Variants in PLSCR4 observed in about 807,000 individuals in gnomAD.
The protein encoded by PLSCR4 is phospholipid scramblase 4, also known as Ca(2+)-dependent phospholipid scramblase 4.
In PLSCR4, 25 loss-of-function variants were observed where a neutral mutation model predicts 36.3. The observed-to-expected ratio is 0.69, with a 90% CI of 0.50 to 0.96. PLSCR4 has a LOEUF of 0.96. Among genes scored for constraint, PLSCR4 ranks in the 40% least tolerant of loss-of-function variants. PLSCR4 has a pLI of 0.00. For synonymous variants in PLSCR4, 122 were observed against 132.9 expected (o/e 0.92, Z 0.56); for missense variants, 408 against 414.7 (o/e 0.98, Z 0.14).
rs2034025251 is a variant in PLSCR4 at position 146,201,097 on chromosome 3, C to T, written c.355-20G>A. 7 of 1,496,392 alleles carry T rather than the reference C, an allele frequency of 4.7e-6. No homozygotes were observed. Among genetic ancestry groups the T allele is most frequent in the Non-Finnish European group, 6.2e-6 (7 of 1,120,600 alleles). The allele number at this position is 1,496,392 out of a possible 1,614,324, so 92.7% of individuals were successfully genotyped here. A position where few individuals can be genotyped will look rare whatever the true frequency, so the allele number is the denominator to read the frequency against. On this transcript the variant is annotated intron_variant, in intron 4 of 8. Transcript: ENST00000354952. Reference sequence around the variant, plus strand: ...GTCCAACTGTTGGGATAAAACAAAGCAATCAGAAGACAGAAATAACAGAAC... The same window carrying T: ...GTCCAACTGTTGGGATAAAACAAAGTAATCAGAAGACAGAAATAACAGAAC...
In PLSCR4 at chr3:146,201,082, TG is replaced by T; in HGVS notation, c.355-6del. On this transcript the variant is annotated splice_region_variant and splice_polypyrimidine_tract_variant and intron_variant, in intron 4 of 8. Transcript: ENST00000354952. ...AAGAACATGTATGTTGTCCAACTGTTGGGATAAAACAAAGCAATCAGAAGAC... is the reference window on the plus strand; with the variant it reads ...AAGAACATGTATGTTGTCCAACTGTTGGATAAAACAAAGCAATCAGAAGAC... 6.5e-7 allele frequency: 1 copy of T among 1,541,520 alleles called. No individual in the cohort carries two copies. The highest frequency in any genetic ancestry group is 8.7e-7 in the Non-Finnish European group (1 of 1,151,032).
At chr3:146,203,783 ATCT>A (rs2034173433) in intron 4 of PLSCR4, among the ~76,000 whole-genome samples, 1 of 151,804 alleles carries the variant, frequency 6.6e-6, no homozygotes, top group Non-Finnish European at 1.5e-5. Flanking sequence ...GACTGGTTTG[ATCT>A]TCTTTCTAGA....
At chr3:146,203,255 G>A (rs968791516) in intron 4 of PLSCR4, among the ~76,000 whole-genome samples, 1 of 151,900 alleles carries the variant, frequency 6.6e-6, no homozygotes, top group South Asian at 2.1e-4. Flanking sequence ...TGACCCATGG[G>A]CTGCAGAATG....
At chr3:146,232,752 G>T (rs1456969995) in intron 1 of PLSCR4, among the ~76,000 whole-genome samples, 2 of 152,110 alleles carry the variant, frequency 1.3e-5, no homozygotes, top group Admixed American at 6.5e-5. Flanking sequence ...AAAGACCATG[G>T]CAGTTTCTAG....
In PLSCR4 at chr3:146,192,779, A is replaced by G. The variant is rs1396212697; in HGVS notation, c.*1632T>C. ...GATTGCAATGGCACTTTCAAATATAAGGCAATTAATATTTTAGAAAGCAGC... is the reference window on the plus strand; with the variant it reads ...GATTGCAATGGCACTTTCAAATATAGGGCAATTAATATTTTAGAAAGCAGC... On this transcript the variant is annotated 3_prime_UTR_variant, in exon 9 of 9. Coordinates refer to ENST00000354952, the MANE Select transcript of PLSCR4 (RefSeq NM_020353.3). 1 of 151,988 alleles carries G rather than the reference A, an allele frequency of 6.6e-6. No homozygotes were observed. The allele number at this position is 151,988 out of a possible 1,614,324, so 9.4% of individuals were successfully genotyped here.
chr3:146,200,121 C>A, intron 5 of PLSCR4, 82 bp from the exon 6 acceptor site: 1 of 774,038 alleles, frequency 1.3e-6, no homozygotes. Flanking sequence ...TTCTTAAGGG[C>A]TTAAAGCAAC....
intron 1 of PLSCR4, among the ~76,000 whole-genome samples, chr3:146,226,162 GA>G (rs1277468789): frequency 6.6e-6 from 1 of 152,298 alleles, no homozygotes; most frequent in East Asian, 1.9e-4. Flanking sequence ...GGCCCACAAG[GA>G]ACCCTAAGTT....
At chr3:146,196,391 A>G in intron 7 of PLSCR4, 4 of 444,406 alleles carry the variant, frequency 9.0e-6, no homozygotes, top group Non-Finnish European at 1.2e-5. Context: ...TATTTAATGT[A>G]TTAAATGATT....
At chr3:146,221,020 A>T (rs2108290973) in intron 2 of PLSCR4, 95 bp from the exon 3 acceptor site, 1 of 671,560 alleles carries the variant, frequency 1.5e-6, no homozygotes, top group African/African-American at 1.8e-5. Context: ...TGCATCAAGA[A>T]ATATAATCAA....
At chr3:146,196,940 G>C in intron 6 of PLSCR4, 147 bp from the exon 7 acceptor site, 1 of 697,908 alleles carries the variant, frequency 1.4e-6, no homozygotes, top group Non-Finnish European at 2.4e-6. Context: ...ATCTCACCCA[G>C]GCCATTCTTC....
intron 1 of PLSCR4, among the ~76,000 whole-genome samples, chr3:146,247,427 T>TATC (rs755811188): frequency 2.0e-5 from 3 of 152,166 alleles, no homozygotes; most frequent in Admixed American, 6.5e-5. Context: ...ATTTTCCATA[T>TATC]ATCTCATAAT....
intron 3 of PLSCR4, among the ~76,000 whole-genome samples, chr3:146,219,987 G>C (rs1482129401): frequency 6.6e-6 from 1 of 151,768 alleles, no homozygotes; most frequent in African/African-American, 2.4e-5. Flanking sequence ...CTTGTACATA[G>C]CAGGGTTTCT....
At chr3:146,248,350 A>G (rs1272400015) in intron 1 of PLSCR4, among the ~76,000 whole-genome samples, 1 of 152,220 alleles carries the variant, frequency 6.6e-6, no homozygotes, top group Non-Finnish European at 1.5e-5. Context: ...ACACGCATAC[A>G]TTATAGAAAT....
chr3:146,209,016 A>G (rs755104434), intron 3 of PLSCR4, among the ~76,000 whole-genome samples: 1 of 152,126 alleles, frequency 6.6e-6, no homozygotes, highest in Non-Finnish European at 1.5e-5. Context: ...ATGCCCATCA[A>G]TCTACGAGTG....
intron 3 of PLSCR4, among the ~76,000 whole-genome samples, chr3:146,217,307 A>T (rs1485078992): frequency 2.0e-5 from 3 of 152,246 alleles, no homozygotes. Flanking sequence ...CACTAGACCT[A>T]GCCAGCATCT....
chr3:146,229,917 C>T lies in PLSCR4; in HGVS notation c.-21-7825G>A, dbSNP rs560330266. Reference sequence around the variant, plus strand: ...GGGATTACAGGCATGAGCCACTGCACCTAGCCAATTTTTATCCTTTATAAT... The same window carrying T: ...GGGATTACAGGCATGAGCCACTGCATCTAGCCAATTTTTATCCTTTATAAT... On this transcript the variant is annotated intron_variant, in intron 1 of 8. Coordinates refer to ENST00000354952, the MANE Select transcript of PLSCR4 (RefSeq NM_020353.3). Among the ~76,000 whole-genome samples, 4 of 152,272 alleles carry T rather than the reference C, an allele frequency of 2.6e-5. No individual in the cohort carries two copies. In the South Asian group the frequency reaches 8.3e-4, roughly 32 times the overall value.
chr3:146,224,513 T>G (rs2035347080), intron 1 of PLSCR4, among the ~76,000 whole-genome samples: 1 of 150,440 alleles, frequency 6.6e-6, no homozygotes, highest in Non-Finnish European at 1.5e-5. Flanking sequence ...GTATTCGGAG[T>G]TTCTTCCTTC....
At position 146,221,994 on chromosome 3, in the gene PLSCR4, C is replaced by G. The variant is rs567325686; in HGVS notation, c.7+71G>C. The G allele has an allele frequency of 7.8e-6, 7 of 892,396 alleles. No homozygotes were observed. The Admixed American group carries it at 1.4e-4, about 17-fold the overall frequency. 55.3% of individuals were successfully genotyped at this position (892,396 alleles called of 1,614,324 possible). On this transcript the variant is annotated intron_variant, in intron 2 of 8. Transcript: ENST00000354952. ...AAAAAAAAATCGAAATAAAGTCCCC[C>G]TTTAGGGAAAATAATCACAAAATTC... is the stretch of plus-strand genomic sequence containing the variant.
intron 2 of PLSCR4, among the ~76,000 whole-genome samples, chr3:146,221,216 T>C (rs545247162): frequency 2.6e-5 from 4 of 152,182 alleles, no homozygotes; most frequent in Non-Finnish European, 5.9e-5. Context: ...CTAACTCTTA[T>C]CTACAAAGTA....
Sources: allele counts gnomAD v4.1 joint callset (sites outside exome capture counted in the v4.1 genomes callset), GRCh38; gene constraint gnomAD v4.1.1; transcripts MANE v1.5; gene names NCBI Gene and HGNC (gene_info 2026-07-23, HGNC 2026-07-21).